The following APBA2 variants were observed in gnomAD, a reference collection of about 807,000 sequenced individuals.
APBA2 encodes the protein amyloid beta precursor protein binding family A member 2, also known as amyloid-beta A4 precursor protein-binding family A member 2.
APBA2 carries 30 observed loss-of-function variants against 75.0 expected under a neutral mutation model. That is an observed-to-expected ratio of 0.40 (90% CI 0.30 to 0.54). The LOEUF is 0.54. Among genes scored for constraint, APBA2 ranks in the 20% least tolerant of loss-of-function variants. APBA2 has a pLI of 0.49. For synonymous variants in APBA2, 444 were observed against 409.6 expected (o/e 1.08, Z -1.01); for missense variants, 801 against 1,016.1 (o/e 0.79, Z 2.88).
At chr15:29,107,037 G>C (rs2044452868) in intron 12 of APBA2, among the ~76,000 whole-genome samples, 1 of 152,224 alleles carries the variant, frequency 6.6e-6, no homozygotes. Context: ...GGCTGGCCTG[G>C]GGTGGGAAGG....
chr15:29,011,805 C>T (rs1432697235), intron 3 of APBA2, among the ~76,000 whole-genome samples: 1 of 152,092 alleles, frequency 6.6e-6, no homozygotes, highest in Non-Finnish European at 1.5e-5. Flanking sequence ...ATAGTCCTGT[C>T]AATTCTCCCT....
At chr15:29,062,005 G>A (rs537672142) in intron 4 of APBA2, among the ~76,000 whole-genome samples, 1 of 152,160 alleles carries the variant, frequency 6.6e-6, no homozygotes, top group Non-Finnish European at 1.5e-5. Flanking sequence ...GCCCAGGAGG[G>A]AGTGGTCTGG....
intron 3 of APBA2, among the ~76,000 whole-genome samples, chr15:29,025,686 T>C (rs1378726295): frequency 6.6e-6 from 1 of 151,490 alleles, no homozygotes; most frequent in Non-Finnish European, 1.5e-5. Context: ...GCGTGGTGGC[T>C]CACGCCTATA....
chr15:29,030,696 T>G (rs2040443392), intron 3 of APBA2, among the ~76,000 whole-genome samples: 1 of 151,672 alleles, frequency 6.6e-6, no homozygotes, highest in Non-Finnish European at 1.5e-5. Context: ...GGCCTAATGC[T>G]ACATAGGCAG....
rs2041344759 is a variant in APBA2, at chr15:29,046,584, T to G, written c.-40-7261T>G. 6.6e-6 allele frequency among the ~76,000 whole-genome samples: 1 copy of G among 152,152 alleles called. No individual in the cohort carries two copies. The highest frequency in any genetic ancestry group is 2.1e-4 in the South Asian group (1 of 4,826). ...TGCAAGCATCTACTTAGGGCAGAGT[T>G]TTCAAGTGCAGTCTTTGGACCTCCA... On this transcript the variant is annotated intron_variant, in intron 3 of 14. Coordinates refer to ENST00000683413, the MANE Select transcript of APBA2 (RefSeq NM_001353788.2). This position sits in a 1 kb window ranked among gnomAD's most constrained non-coding sequence, Gnocchi z 5.0.
chr15:29,082,194 T>C (rs2043112502), intron 6 of APBA2, among the ~76,000 whole-genome samples: 1 of 152,258 alleles, frequency 6.6e-6, no homozygotes, highest in Non-Finnish European at 1.5e-5. Context: ...GTTTGTTTCC[T>C]GTGCTCATTC....
intron 13 of APBA2, among the ~76,000 whole-genome samples, chr15:29,110,121 A>G (rs551494825): frequency 1.3e-5 from 2 of 152,328 alleles, no homozygotes; most frequent in East Asian, 1.9e-4. Flanking sequence ...CACTTTGTGG[A>G]TGGGCATGGC....
intron 6 of APBA2, among the ~76,000 whole-genome samples, chr15:29,090,111 A>C (rs997448721): frequency 5.9e-5 from 9 of 152,100 alleles, no homozygotes; most frequent in Non-Finnish European, 8.8e-5. Context: ...TGTGAGTGGG[A>C]GGCAGGATGC....
intron 3 of APBA2, among the ~76,000 whole-genome samples, chr15:29,034,145 T>C (rs2040628400): frequency 6.6e-6 from 1 of 152,062 alleles, no homozygotes; most frequent in African/African-American, 2.4e-5. Flanking sequence ...TCTAGAGTTT[T>C]TATTTGGGAT....
intron 1 of APBA2, among the ~76,000 whole-genome samples, chr15:28,902,891 G>C (rs1267963950): frequency 1.3e-5 from 2 of 152,110 alleles, no homozygotes; most frequent in African/African-American, 4.8e-5. Flanking sequence ...AAAACTGGGG[G>C]GTAAGCTCAT....
chr15:28,904,711 C>T (rs542657328), intron 1 of APBA2, among the ~76,000 whole-genome samples: 3 of 152,326 alleles, frequency 2.0e-5, no homozygotes, highest in African/African-American at 7.2e-5. Context: ...GTCCAGCAAA[C>T]AGCGTTGCAG....
chr15:28,933,332 G>T (rs564316148), intron 2 of APBA2, among the ~76,000 whole-genome samples: 34 of 150,480 alleles, frequency 2.3e-4, no homozygotes, highest in Admixed American at 1.0e-3. Flanking sequence ...AGAGCCTCCC[G>T]CCCTCCACCA....
At chr15:29,001,470 C>A (rs1229242589) in intron 3 of APBA2, among the ~76,000 whole-genome samples, 1 of 152,196 alleles carries the variant, frequency 6.6e-6, no homozygotes. Flanking sequence ...GTGGGCCTCC[C>A]GCAGTGCTGG....
chr15:28,906,297 A>G (rs1356946245), intron 1 of APBA2, among the ~76,000 whole-genome samples: 1 of 152,246 alleles, frequency 6.6e-6, no homozygotes, highest in Non-Finnish European at 1.5e-5. Flanking sequence ...ATGCAGCCAT[A>G]AGAAAGAATG....
At chr15:29,059,755 G>C (rs1231374619) in intron 4 of APBA2, among the ~76,000 whole-genome samples, 1 of 152,176 alleles carries the variant, frequency 6.6e-6, no homozygotes, top group Non-Finnish European at 1.5e-5. Context: ...CATCAACTCA[G>C]TGCTCAGGGC....
intron 3 of APBA2, among the ~76,000 whole-genome samples, chr15:29,002,643 G>A (rs572381926): frequency 3.3e-5 from 5 of 152,176 alleles, no homozygotes; most frequent in South Asian, 4.2e-4. Flanking sequence ...TGTTTTGTCC[G>A]TTGTTGGATT....
At chr15:29,108,538 C>A in intron 13 of APBA2, 149 bp downstream of exon 13, 1 of 1,257,638 alleles carries the variant, frequency 8.0e-7, no homozygotes, top group Non-Finnish European at 1.1e-6. Flanking sequence ...CCACCTGGGG[C>A]AGGAACTTTC....
chr15:28,922,236 C>T (rs759828279), intron 2 of APBA2, among the ~76,000 whole-genome samples: 6 of 152,144 alleles, frequency 3.9e-5, no homozygotes, highest in Non-Finnish European at 8.8e-5. Flanking sequence ...AGGTTCTTTC[C>T]GCTCGACCTG....
rs375278480 is a variant in APBA2, at chr15:29,102,086, T to A, written c.1524+302T>A. ...ACATTTTCTCTACTAAAAATGAAGT[T>A]AATCTTTGCATAACTTTTGTTATTA... On this transcript the variant is annotated intron_variant, in intron 10 of 14. Transcript: ENST00000683413. 3.0e-5 allele frequency: 16 copies of A among 526,872 alleles called. No individual in the cohort carries two copies. The East Asian group carries it at 5.1e-4, about 17-fold the overall frequency. The allele number at this position is 526,872 out of a possible 1,614,324, so 32.6% of individuals were successfully genotyped here.
Sources: allele counts gnomAD v4.1 joint callset (sites outside exome capture counted in the v4.1 genomes callset), GRCh38; gene constraint gnomAD v4.1.1; non-coding constraint Gnocchi (gnomAD v3.1); transcripts MANE v1.5; gene names NCBI Gene and HGNC (gene_info 2026-07-23, HGNC 2026-07-21).